Variants in DQX1 observed in about 807,000 individuals in gnomAD.
The protein encoded by DQX1 is ATP-dependent RNA helicase homolog DQX1.
Under a neutral mutation model 81.3 loss-of-function variants are expected in DQX1, and 66 were observed. That is an observed-to-expected ratio of 0.81 (90% CI 0.67 to 1.00). The LOEUF (loss-of-function observed/expected upper bound fraction) is 1.00, where lower values mean the gene tolerates loss of function less well. Ranked by LOEUF, DQX1 falls within the 50% of genes least tolerant of loss-of-function variation. The pLI is 0.00. For missense variants in DQX1, 798 were observed against 867.9 expected (o/e 0.92, Z 1.01); for synonymous variants, 290 against 350.0 (o/e 0.83, Z 1.91).
At position 74,525,471 on chromosome 2, in the gene DQX1, G is replaced by T; in HGVS notation, c.237+22C>A. 1 of 1,548,526 alleles carries T rather than the reference G, an allele frequency of 6.5e-7. No individual in the cohort carries two copies. Among genetic ancestry groups the T allele is most frequent in the Admixed American group, 2.0e-5 (1 of 50,940 alleles). On this transcript the variant is annotated intron_variant, in intron 2 of 11. Transcript: ENST00000404568. This position sits in a 1 kb window ranked among gnomAD's most constrained non-coding sequence, Gnocchi z 4.1. The stretch of plus-strand genomic sequence containing the variant: ...CTTTGTCCACTCCCAGAATCTGCCT[G>T]CCCCCACAACCCCCACCACACCTGG...
At chr2:74,523,702 C>T (rs756861841) in intron 4 of DQX1, among the ~76,000 whole-genome samples, 165 bp from the exon 5 acceptor site, 5 of 152,138 alleles carry the variant, frequency 3.3e-5, no homozygotes, top group Non-Finnish European at 7.4e-5. Flanking sequence ...AATCACAAAT[C>T]TCTGCATTAA....
In DQX1 at chr2:74,525,390, C is replaced by G; in HGVS notation, c.237+103G>C. On this transcript the variant is annotated intron_variant, in intron 2 of 11. Transcript: ENST00000404568. The surrounding 1 kb of genome is among the most constrained non-coding windows in gnomAD (Gnocchi z 4.1). ...ACCTTCCTCATGACCCCACGCAGCC[C>G]AGTCCCCCCTTGCCCAGGGAAAGGC... The G allele has an allele frequency of 7.5e-7, 1 of 1,339,500 alleles. No individual in the cohort carries two copies. The highest frequency in any genetic ancestry group is 1.4e-5 in the South Asian group (1 of 71,568). 83.0% of individuals were successfully genotyped at this position (1,339,500 alleles called of 1,614,324 possible). A position where few individuals can be genotyped will look rare whatever the true frequency, so the allele number is the denominator to read the frequency against.
chr2:74,519,769 T>A (rs1674978842), intron 9 of DQX1, 23 bp from the exon 10 acceptor site: 3 of 1,613,054 alleles, frequency 1.9e-6, no homozygotes, highest in Non-Finnish European at 2.5e-6. Context: ...AGGGACCAGC[T>A]AAACTAAAGT....
intron 11 of DQX1, 133 bp from the exon 12 acceptor site, chr2:74,518,735 C>T: frequency 1.1e-6 from 1 of 878,586 alleles, no homozygotes; most frequent in Non-Finnish European, 1.7e-6. Flanking sequence ...TAGCCTTAGA[C>T]TCCCGTAATC....
At chr2:74,519,501 G>C in intron 10 of DQX1, 55 bp downstream of exon 10, 1 of 1,582,708 alleles carries the variant, frequency 6.3e-7, no homozygotes, top group Non-Finnish European at 8.6e-7. Flanking sequence ...ACCAATATTT[G>C]TTCTCTTTGC....
At chr2:74,520,365 A>G (rs2104335222) in intron 8 of DQX1, among the ~76,000 whole-genome samples, 1 of 152,328 alleles carries the variant, frequency 6.6e-6, no homozygotes, top group Admixed American at 6.5e-5. Context: ...GTGATGTAAG[A>G]GAAAACGATG....
chr2:74,523,814 A>T, intron 4 of DQX1, 109 bp downstream of exon 4: 4 of 1,403,384 alleles, frequency 2.9e-6, no homozygotes, highest in Non-Finnish European at 3.8e-6. Context: ...ACTGTTCCTA[A>T]GAGGCATTGC....
At position 74,525,313 on chromosome 2, in the gene DQX1, GTCTTTCACC is replaced by G; in HGVS notation, c.238-120_238-112del. The G allele has an allele frequency of 1.5e-6, 2 of 1,330,192 alleles. No homozygotes were observed. Among genetic ancestry groups the G allele is most frequent in the South Asian group, 3.0e-5 (2 of 65,728 alleles). The allele number at this position is 1,330,192 out of a possible 1,614,324, so 82.4% of individuals were successfully genotyped here. On this transcript the variant is annotated intron_variant, in intron 2 of 11. Coordinates refer to ENST00000404568, the MANE Select transcript of DQX1 (RefSeq NM_133637.3). This position sits in a 1 kb window ranked among gnomAD's most constrained non-coding sequence, Gnocchi z 4.1. The stretch of plus-strand genomic sequence containing the variant: ...CTTTCCTTATTTGGGGAGTCCCCTG[GTCTTTCACC>G]AGCCTCCAGGGCCAACCTAACCCAT...
rs1165405190 is a variant in DQX1, at chr2:74,524,151, C to G, written c.588G>C (p.Gly196=). 1 of 1,614,140 alleles carries G rather than the reference C, an allele frequency of 6.2e-7. No homozygotes were observed. The highest frequency in any genetic ancestry group is 8.5e-7 in the Non-Finnish European group (1 of 1,180,028). The change falls in exon 4 of 12, where the codon GGG becomes GGC. Residue 196 remains glycine, a synonymous_variant. Coordinates refer to ENST00000404568, the MANE Select transcript of DQX1 (RefSeq NM_133637.3). ...CAGTAACCACAACCACTCTGAGGTC[C>G]CCCGGAAGTTTTTCCAGCCTGGCAT... ...LQDARLEKLP[G]DLRVVVVTDP...
At chr2:74,524,383 CAA>C in intron 3 of DQX1, 76 bp from the exon 4 acceptor site, 1 of 1,522,410 alleles carries the variant, frequency 6.6e-7, no homozygotes, top group Non-Finnish European at 8.8e-7. Context: ...ATCTTCTCCC[CAA>C]GGGACGTATA....
rs369150859 is a variant in DQX1 at position 74,518,993 on chromosome 2, C to T, written c.1997+47G>A. The T allele has an allele frequency of 6.1e-6, 9 of 1,483,198 alleles. No individual in the cohort carries two copies. The African/African-American group carries it at 1.3e-4, about 21-fold the overall frequency. The allele number at this position is 1,483,198 out of a possible 1,614,324, so 91.9% of individuals were successfully genotyped here. A position where few individuals can be genotyped will look rare whatever the true frequency, so the allele number is the denominator to read the frequency against. On this transcript the variant is annotated intron_variant, in intron 11 of 11. Transcript: ENST00000404568. ...CTAACTCCCCAGCCATAATTTTGGC[C>T]CCAGGGAGAGGAATAGGCAGTATAG...
chr2:74,518,289 T>C lies in DQX1; in HGVS notation c.*157A>G. 1.2e-6 allele frequency: 1 copy of C among 819,518 alleles called. No individual in the cohort carries two copies. Among genetic ancestry groups the C allele is most frequent in the Non-Finnish European group, 1.9e-6 (1 of 533,592 alleles). The allele number at this position is 819,518 out of a possible 1,614,324, so 50.8% of individuals were successfully genotyped here. A position where few individuals can be genotyped will look rare whatever the true frequency, so the allele number is the denominator to read the frequency against. On this transcript the variant is annotated 3_prime_UTR_variant, in exon 12 of 12. Coordinates refer to ENST00000404568, the MANE Select transcript of DQX1 (RefSeq NM_133637.3). ...GTAGACTGTGGTTTACCCCATTCTT[T>C]CCATTCCCAGTCTACCATTTCTTGG...
In DQX1 at chr2:74,519,184, TG is replaced by T; in HGVS notation, c.1852del (p.His618IlefsTer59). 6.2e-7 allele frequency: 1 copy of T among 1,610,390 alleles called. No individual in the cohort carries two copies. ...DGTGNYLLLTHKHVAQLSSYC... is the reference protein window; with the variant it reads ...DGTGNYLLLTXKHVAQLSSYC... ...TGAGGAGAGCTGGGCCACATGCTTA[TG>T]GGTTAGGAGAAGGTAATTTCCAGTC... On this transcript the variant is annotated frameshift_variant, in exon 11 of 12. Coordinates refer to ENST00000404568, the MANE Select transcript of DQX1 (RefSeq NM_133637.3). LOFTEE classifies it high-confidence loss of function.
rs750361995 is a variant in DQX1, at chr2:74,524,150, C to T, written c.589G>A (p.Asp197Asn). The T allele has an allele frequency of 6.2e-7, 1 of 1,614,146 alleles. No individual in the cohort carries two copies. Among genetic ancestry groups the T allele is most frequent in the Non-Finnish European group, 8.5e-7 (1 of 1,180,030 alleles). The change falls in exon 4 of 12, where the codon GAC becomes AAC. Residue 197 changes from aspartate (D) to asparagine (N), a missense_variant. Coordinates refer to ENST00000404568, the MANE Select transcript of DQX1 (RefSeq NM_133637.3). The stretch of plus-strand genomic sequence containing the variant: ...TCAGTAACCACAACCACTCTGAGGT[C>T]CCCCGGAAGTTTTTCCAGCCTGGCA... ...QDARLEKLPG[D>N]LRVVVVTDPA... is the part of the protein sequence containing the mutation.
intron 8 of DQX1, among the ~76,000 whole-genome samples, chr2:74,521,875 C>T (rs999943974): frequency 1.3e-5 from 2 of 151,898 alleles, no homozygotes; most frequent in Admixed American, 6.6e-5. Flanking sequence ...GAGAGATACA[C>T]GGCACAAGGT....
At position 74,519,194 on chromosome 2, in the gene DQX1, G is replaced by C; in HGVS notation, c.1843C>G (p.Leu615Val). ...TGGGCCACATGCTTATGGGTTAGGAGAAGGTAATTTCCAGTCCCGTCTGTG... is the reference window on the plus strand; with the variant it reads ...TGGGCCACATGCTTATGGGTTAGGACAAGGTAATTTCCAGTCCCGTCTGTG... ...RDTDGTGNYL[L>V]LTHKHVAQLS... The change falls in exon 11 of 12, where the codon CTC becomes GTC. Residue 615 changes from leucine to valine, a missense_variant. Leu to Val is a conservative substitution (Grantham distance 32). Coordinates refer to ENST00000404568, the MANE Select transcript of DQX1 (RefSeq NM_133637.3). 1 of 1,597,398 alleles carries C rather than the reference G, an allele frequency of 6.3e-7. No homozygotes were observed.
chr2:74,523,122 G>T lies in DQX1; in HGVS notation c.1141C>A (p.Pro381Thr). ...ARRLRARGFP[P>T]GSCLCLYPKS... ...CAGTGAGGGCAAAGGCTCTTACCTG[G>T]TGGGAACCCTCTTGCTCGCAATCGT... is the stretch of plus-strand genomic sequence containing the variant. Residue 381 changes from proline to threonine, a missense_variant, in exon 6 of 12, where the codon CCA (proline) becomes ACA (threonine). Transcript: ENST00000404568. 1 of 1,614,180 alleles carries T rather than the reference G, an allele frequency of 6.2e-7. No homozygotes were observed. The highest frequency in any genetic ancestry group is 1.3e-5 in the African/African-American group (1 of 75,020).
At position 74,525,652 on chromosome 2, in the gene DQX1, A is replaced by G. The variant is rs1558603837; in HGVS notation, c.78T>C (p.Phe26=). The change falls in exon 2 of 12, where the codon TTT becomes TTC. Residue 26 remains phenylalanine, a synonymous_variant. Transcript: ENST00000404568. The surrounding 1 kb of genome is among the most constrained non-coding windows in gnomAD (Gnocchi z 4.1). ...PGESELAVNP[F]DGLPFSSRYY... ...AGCGGGAAGAGAAGGGAAGCCCATCAAAGGGGTTCACAGCCAGTTCAGACT... is the reference window on the plus strand; with the variant it reads ...AGCGGGAAGAGAAGGGAAGCCCATCGAAGGGGTTCACAGCCAGTTCAGACT... 1 of 1,551,654 alleles carries G rather than the reference A, an allele frequency of 6.4e-7. No individual in the cohort carries two copies. The highest frequency in any genetic ancestry group is 8.7e-7 in the Non-Finnish European group (1 of 1,147,014).
chr2:74,525,379 C>A lies in DQX1; in HGVS notation c.237+114G>T. The A allele has an allele frequency of 7.8e-7, 1 of 1,285,866 alleles. No individual in the cohort carries two copies. The highest frequency in any genetic ancestry group is 1.1e-6 in the Non-Finnish European group (1 of 936,542). The allele number at this position is 1,285,866 out of a possible 1,614,324, so 79.7% of individuals were successfully genotyped here. ...TCTCTTCGTTCACCTTCCTCATGAC[C>A]CCACGCAGCCCAGTCCCCCCTTGCC... is the stretch of plus-strand genomic sequence containing the variant. On this transcript the variant is annotated intron_variant, in intron 2 of 11. Transcript: ENST00000404568. This position sits in a 1 kb window ranked among gnomAD's most constrained non-coding sequence, Gnocchi z 4.1.
Sources: gnomAD v4.1 joint callset for allele counts (sites outside exome capture counted in the v4.1 genomes callset) on GRCh38, gnomAD v4.1.1 for gene constraint, Gnocchi (gnomAD v3.1) non-coding constraint, MANE v1.5 for transcripts, NCBI Gene and HGNC (gene_info 2026-07-23, HGNC 2026-07-21) for gene names.